PRKAG2: variants seen among roughly 807,000 people sequenced by gnomAD.
PRKAG2 encodes 5'-AMP-activated protein kinase subunit gamma-2.
Under a neutral mutation model 69.6 loss-of-function variants are expected in PRKAG2, and 26 were observed. The ratio of observed to expected loss-of-function variants is 0.37; its 90% CI spans 0.27 to 0.52. The LOEUF is 0.52. PRKAG2 is among the 20% of genes least tolerant of loss of function. PRKAG2 has a pLI of 0.90. For synonymous variants in PRKAG2, 293 were observed against 285.0 expected, an observed-to-expected ratio of 1.03 and a Z score of -0.28; for missense variants, 557 against 740.0, an observed-to-expected ratio of 0.75 and a Z score of 2.87.
chr7:151,876,245 G>A (rs918628700), intron 1 of PRKAG2, among the ~76,000 whole-genome samples: 1 of 151,994 alleles, frequency 6.6e-6, no homozygotes, highest in Non-Finnish European at 1.5e-5. Context: ...CGCCGCGCCC[G>A]GCGCCCCCTC....
intron 3 of PRKAG2, among the ~76,000 whole-genome samples, chr7:151,726,392 A>ACACACACG (rs1797966047): frequency 6.9e-6 from 1 of 145,330 alleles, no homozygotes; most frequent in African/African-American, 2.5e-5. Flanking sequence ...ACACACACAC[A>ACACACACG]CACACACACG....
chr7:151,670,610 G>C lies in PRKAG2; in HGVS notation c.684+4810C>G, dbSNP rs959892358. Reference sequence around the variant, plus strand: ...GGATGGGGTTTCCTCCCACAATAACGGAACGGGTTCTATCACACTCCATTG... The same window carrying C: ...GGATGGGGTTTCCTCCCACAATAACCGAACGGGTTCTATCACACTCCATTG... On this transcript the variant is annotated intron_variant, in intron 4 of 15. Coordinates refer to ENST00000287878, the MANE Select transcript of PRKAG2 (RefSeq NM_016203.4). Among the ~76,000 whole-genome samples the C allele has an allele frequency of 2.0e-5, 3 of 152,090 alleles. No individual in the cohort carries two copies. In the East Asian group the frequency reaches 5.8e-4, roughly 29 times the overall value.
rs1056704303 is a variant in PRKAG2, at chr7:151,719,859, G to A, written c.467-44222C>T. Among the ~76,000 whole-genome samples, 1 of 152,182 alleles carries A rather than the reference G, an allele frequency of 6.6e-6. No homozygotes were observed. Among genetic ancestry groups the A allele is most frequent in the Non-Finnish European group, 1.5e-5 (1 of 68,046 alleles). On this transcript the variant is annotated intron_variant, in intron 3 of 15. Coordinates refer to ENST00000287878, the MANE Select transcript of PRKAG2 (RefSeq NM_016203.4). The surrounding 1 kb of genome is among the most constrained non-coding windows in gnomAD (Gnocchi z 5.2). ...CCAAGTAACGCCTTCCCTGGCCCCT[G>A]TGCCTACTGAGGTAGTTCTGTTATT...
chr7:151,709,592 T>C (rs895898994), intron 3 of PRKAG2, among the ~76,000 whole-genome samples: 8 of 152,112 alleles, frequency 5.3e-5, no homozygotes, highest in African/African-American at 1.9e-4. Context: ...AGTGTGACAG[T>C]GACATGTGAT....
Position 151,688,205 on chromosome 7 carries a change from G to A in PRKAG2, c.467-12568C>T, listed in dbSNP as rs559215993. ...AGGGGAAAGGCTTCCTGGCCCTGGC[G>A]GCAGGATGGGGCCAGAATATTCCTG... On this transcript the variant is annotated intron_variant, in intron 3 of 15. Transcript: ENST00000287878. 4.6e-5 allele frequency among the ~76,000 whole-genome samples: 7 copies of A among 152,276 alleles called. No individual in the cohort carries two copies. In the South Asian group the frequency reaches 1.5e-3, roughly 32 times the overall value.
intron 1 of PRKAG2, among the ~76,000 whole-genome samples, chr7:151,804,453 C>T (rs1481223652): frequency 6.6e-6 from 1 of 152,156 alleles, no homozygotes; most frequent in Non-Finnish European, 1.5e-5. Context: ...TATCACAGAA[C>T]AGCATGGGGG....
At chr7:151,693,633 C>A (rs1349109219) in intron 3 of PRKAG2, among the ~76,000 whole-genome samples, 1 of 148,188 alleles carries the variant, frequency 6.7e-6, no homozygotes, top group Non-Finnish European at 1.5e-5. Flanking sequence ...ATGTGTGGGT[C>A]CCTGCCAAGT....
At position 151,675,431 on chromosome 7, in the gene PRKAG2, G is replaced by A; in HGVS notation, c.673C>T (p.Pro225Ser). The change falls in exon 4 of 16, where the codon CCC (proline) becomes TCC (serine). Residue 225 changes from proline to serine, a missense_variant. By Grantham distance (74) the Pro-to-Ser change is moderately conservative (BLOSUM62 -1). Coordinates refer to ENST00000287878, the MANE Select transcript of PRKAG2 (RefSeq NM_016203.4). ...GGGCCCAGACTTACGGCTTTGGAGG[G>A]AGCATAGTGTGTCGGTGATGCCAGT... ...PPLASPTHYA[P>S]SKAAALAAAL... The A allele has an allele frequency of 1.2e-6, 2 of 1,614,054 alleles. No individual in the cohort carries two copies. Among genetic ancestry groups the A allele is most frequent in the Non-Finnish European group, 1.7e-6 (2 of 1,179,944 alleles).
chr7:151,759,032 C>T (rs763670734), intron 3 of PRKAG2, among the ~76,000 whole-genome samples: 22 of 152,132 alleles, frequency 1.4e-4, no homozygotes, highest in African/African-American at 5.1e-4. Context: ...TGCATCCGAT[C>T]GACATCCGAT....
At chr7:151,837,859 A>C (rs946658277) in intron 1 of PRKAG2, among the ~76,000 whole-genome samples, 7 of 152,196 alleles carry the variant, frequency 4.6e-5, no homozygotes, top group Admixed American at 3.9e-4. Context: ...CGCCCCCTGC[A>C]ACAAAACCCA....
chr7:151,874,015 T>A (rs1454033446), intron 1 of PRKAG2, among the ~76,000 whole-genome samples: 1 of 143,186 alleles, frequency 7.0e-6, no homozygotes, highest in Non-Finnish European at 1.5e-5. Context: ...TGTATAAGTA[T>A]ATGTATATGA....
chr7:151,770,486 C>T (rs2075969171), intron 3 of PRKAG2, among the ~76,000 whole-genome samples: 2 of 152,254 alleles, frequency 1.3e-5, no homozygotes, highest in South Asian at 2.1e-4. Context: ...CTTCCACTCT[C>T]GCAGTGCCTG....
chr7:151,765,638 T>C (rs779290155), intron 3 of PRKAG2, among the ~76,000 whole-genome samples: 2 of 152,210 alleles, frequency 1.3e-5, no homozygotes, highest in African/African-American at 2.4e-5. Context: ...CCCACATGAA[T>C]GACCTCATCT....
intron 1 of PRKAG2, among the ~76,000 whole-genome samples, chr7:151,844,560 G>A (rs1051019988): frequency 2.6e-5 from 4 of 152,200 alleles, no homozygotes; most frequent in East Asian, 3.8e-4. Context: ...TAGGTCATAC[G>A]AAATAGAAAG....
intron 3 of PRKAG2, among the ~76,000 whole-genome samples, chr7:151,754,018 C>T (rs1415093096): frequency 6.6e-6 from 1 of 151,846 alleles, no homozygotes; most frequent in African/African-American, 2.4e-5. Context: ...GACCGCATCT[C>T]GAAAAAAAGA....
chr7:151,688,343 G>T (rs1303470247), intron 3 of PRKAG2, among the ~76,000 whole-genome samples: 26 of 152,228 alleles, frequency 1.7e-4, no homozygotes. Context: ...ATCTCTTCGA[G>T]ATGCCTGTTT....
chr7:151,808,400 T>C (rs1428666830), intron 1 of PRKAG2, among the ~76,000 whole-genome samples: 6 of 152,098 alleles, frequency 3.9e-5, no homozygotes, highest in Non-Finnish European at 5.9e-5. Flanking sequence ...CAATGACCAG[T>C]TGGACTGTAG....
rs2079543741 is a variant in PRKAG2 at position 151,850,560 on chromosome 7, G to T, written c.114+25947C>A. Among the ~76,000 whole-genome samples, 1 of 152,176 alleles carries T rather than the reference G, an allele frequency of 6.6e-6. No individual in the cohort carries two copies. The highest frequency in any genetic ancestry group is 1.5e-5 in the Non-Finnish European group (1 of 68,032). Reference sequence around the variant, plus strand: ...TCAAAGCAGCCCAAGCTCACACTCAGCCAAGGAGCCCCGAGCCTGGATTGG... The same window carrying T: ...TCAAAGCAGCCCAAGCTCACACTCATCCAAGGAGCCCCGAGCCTGGATTGG... On this transcript the variant is annotated intron_variant, in intron 1 of 15. Coordinates refer to ENST00000287878, the MANE Select transcript of PRKAG2 (RefSeq NM_016203.4). The surrounding 1 kb of genome is among the most constrained non-coding windows in gnomAD (Gnocchi z 4.1).
At chr7:151,592,503 C>G (rs1471927490) in intron 6 of PRKAG2, among the ~76,000 whole-genome samples, 1 of 152,172 alleles carries the variant, frequency 6.6e-6, no homozygotes, top group South Asian at 2.1e-4. Flanking sequence ...GGTGGCACAC[C>G]CTCGCATTCT....
Sources: gnomAD v4.1 joint callset for allele counts (sites outside exome capture counted in the v4.1 genomes callset) on GRCh38, gnomAD v4.1.1 for gene constraint, Gnocchi (gnomAD v3.1) non-coding constraint, MANE v1.5 for transcripts, NCBI Gene and HGNC (gene_info 2026-07-23, HGNC 2026-07-21) for gene names.